Variants in CCDC171 observed in about 807,000 individuals in gnomAD.
The protein encoded by CCDC171 is coiled-coil domain-containing protein 171.
A neutral mutation model predicts 168.2 loss-of-function variants in CCDC171; 177 were observed. The observed-to-expected ratio is 1.05, with a 90% CI of 0.93 to 1.19. CCDC171 has a LOEUF of 1.19. Among genes scored for constraint, CCDC171 ranks in the 50% most tolerant of loss-of-function variants. CCDC171 has a pLI of 0.00. For missense variants in CCDC171, 1,991 were observed against 1,539.0 expected, an observed-to-expected ratio of 1.29 and a Z score of -4.91; for synonymous variants, 687 against 540.8, an observed-to-expected ratio of 1.27 and a Z score of -3.75.
intron 9 of CCDC171, 24 bp from the exon 10 acceptor site, chr9:15,678,734 T>G (rs2049821809): frequency 1.3e-6 from 2 of 1,567,784 alleles, no homozygotes; most frequent in East Asian, 4.5e-5. Flanking sequence ...TTGAAAAACC[T>G]GCTCTGACAC....
intron 21 of CCDC171, among the ~76,000 whole-genome samples, chr9:15,842,453 A>C (rs1400206218): frequency 6.6e-6 from 1 of 152,100 alleles, no homozygotes; most frequent in Non-Finnish European, 1.5e-5. Context: ...GAATTCATTC[A>C]TAAATTTTTT....
At chr9:16,088,513 T>C in the CCDC171 span, among the ~76,000 whole-genome samples, 2 of 152,198 alleles carry the variant, frequency 1.3e-5, no homozygotes, top group Non-Finnish European at 2.9e-5. Context: ...ATAAGCAACT[T>C]CAGCAAAGTC....
At chr9:15,613,791 G>A (rs1266315954) in intron 6 of CCDC171, among the ~76,000 whole-genome samples, 1 of 151,944 alleles carries the variant, frequency 6.6e-6, no homozygotes, top group Non-Finnish European at 1.5e-5. Flanking sequence ...CCAAAGTGCG[G>A]GGATTACAGG....
chr9:15,702,380 C>G (rs1463650362), intron 11 of CCDC171, among the ~76,000 whole-genome samples: 8 of 152,054 alleles, frequency 5.3e-5, no homozygotes, highest in East Asian at 3.9e-4. Context: ...GCTCATTTAC[C>G]ATTGAAAAAA....
chr9:15,570,593 G>C (rs2040146849), intron 2 of CCDC171, among the ~76,000 whole-genome samples: 1 of 152,176 alleles, frequency 6.6e-6, no homozygotes. Flanking sequence ...CTTTGTGTTT[G>C]TGGCATGCTC....
chr9:15,841,501 A>G (rs569269535), intron 21 of CCDC171, among the ~76,000 whole-genome samples: 19 of 151,988 alleles, frequency 1.3e-4, no homozygotes, highest in Admixed American at 2.0e-4. Context: ...GAAAGTGGGT[A>G]AGTTATTTGA....
chr9:16,000,978 A>C (rs1482146553), intron 3 of CCDC171, among the ~76,000 whole-genome samples: 2 of 152,162 alleles, frequency 1.3e-5, no homozygotes, highest in Non-Finnish European at 2.9e-5. Flanking sequence ...TTAGTTTTGC[A>C]CAGTCTGAAG....
the CCDC171 span, among the ~76,000 whole-genome samples, chr9:16,071,251 C>T: frequency 6.6e-6 from 1 of 152,106 alleles, no homozygotes; most frequent in African/African-American, 2.4e-5. Flanking sequence ...ACCAAGACAT[C>T]CCCTCTTTTT....
chr9:15,711,482 C>T (rs1008250998), intron 11 of CCDC171, among the ~76,000 whole-genome samples: 1 of 151,954 alleles, frequency 6.6e-6, no homozygotes, highest in African/African-American at 2.4e-5. Flanking sequence ...TATTATTTCT[C>T]TTTAGGAGAA....
At chr9:15,575,388 G>C (rs562640640) in intron 3 of CCDC171, among the ~76,000 whole-genome samples, 1 of 152,038 alleles carries the variant, frequency 6.6e-6, no homozygotes, top group African/African-American at 2.4e-5. Flanking sequence ...TGTCCAGGCT[G>C]GTCTTGAACT....
At position 15,710,014 on chromosome 9, in the gene CCDC171, T is replaced by C. The variant is rs143767344; in HGVS notation, c.1319-11755T>C. Among the ~76,000 whole-genome samples, 1,465 of 152,286 alleles carry C rather than the reference T, an allele frequency of 9.6e-3. 27 individuals are homozygous for C. The highest frequency in any genetic ancestry group is 0.034 in the African/African-American group (1,401 of 41,566). On this transcript the variant is annotated intron_variant, in intron 11 of 25. Transcript: ENST00000380701. ...ATATCCCAGCTATTTCTGTATTATA[T>C]ATCTGTATAATACAGATATCTGCTG...
At chr9:15,857,789 T>G (rs1042121059) in intron 23 of CCDC171, among the ~76,000 whole-genome samples, 1 of 151,956 alleles carries the variant, frequency 6.6e-6, no homozygotes, top group Non-Finnish European at 1.5e-5. Context: ...AAACTATCCT[T>G]TCCCCATTGT....
At chr9:15,842,024 TTAAAG>T (rs2060700613) in intron 21 of CCDC171, among the ~76,000 whole-genome samples, 1 of 152,038 alleles carries the variant, frequency 6.6e-6, no homozygotes, top group African/African-American at 2.4e-5. Flanking sequence ...CTAGAGATGT[TTAAAG>T]GAACAGTCAG....
intron 21 of CCDC171, among the ~76,000 whole-genome samples, chr9:15,795,286 C>T (rs1301635372): frequency 2.6e-5 from 4 of 152,128 alleles, no homozygotes; most frequent in Non-Finnish European, 5.9e-5. Flanking sequence ...AACTCACTCC[C>T]ATGATAACTT....
At chr9:16,099,636 G>A in the CCDC171 span, among the ~76,000 whole-genome samples, 1 of 152,168 alleles carries the variant, frequency 6.6e-6, no homozygotes, top group Non-Finnish European at 1.5e-5. Flanking sequence ...CATGAAGGGG[G>A]CATCCAAACT....
At chr9:15,606,065 G>A (rs905701105) in intron 6 of CCDC171, among the ~76,000 whole-genome samples, 1 of 152,044 alleles carries the variant, frequency 6.6e-6, no homozygotes, top group South Asian at 2.1e-4. Flanking sequence ...AGAGATTAAC[G>A]ATGTAACTAA....
At chr9:15,726,603 A>G (rs1051926976) in intron 14 of CCDC171, among the ~76,000 whole-genome samples, 2 of 152,188 alleles carry the variant, frequency 1.3e-5, no homozygotes, top group African/African-American at 2.4e-5. Context: ...TACATTTTCA[A>G]ATTTTTTGAT....
intron 23 of CCDC171, among the ~76,000 whole-genome samples, chr9:15,869,691 A>AC (rs2061949783): frequency 6.6e-6 from 1 of 151,836 alleles, no homozygotes; most frequent in Non-Finnish European, 1.5e-5. Context: ...AGTTGTGACC[A>AC]GGAAAGTTAG....
At chr9:15,760,350 A>C (rs1318573991) in intron 18 of CCDC171, among the ~76,000 whole-genome samples, 3 of 152,162 alleles carry the variant, frequency 2.0e-5, no homozygotes, top group Non-Finnish European at 4.4e-5. Flanking sequence ...ATTTAGAGTA[A>C]GTTCTGAATT....
Sources: allele counts gnomAD v4.1 joint callset (sites outside exome capture counted in the v4.1 genomes callset), GRCh38; gene constraint gnomAD v4.1.1; transcripts MANE v1.5; gene names NCBI Gene and HGNC (gene_info 2026-07-23, HGNC 2026-07-21).